DPP6: variants seen among roughly 807,000 people sequenced by gnomAD.
DPP6 encodes A-type potassium channel modulatory protein DPP6.
In DPP6, 69 loss-of-function variants were observed where a neutral mutation model predicts 122.6. The ratio of observed to expected loss-of-function variants is 0.56; its 90% CI spans 0.46 to 0.69. The LOEUF is 0.69. Among genes scored for constraint, DPP6 ranks in the 30% least tolerant of loss-of-function variants. The pLI, the probability that DPP6 is intolerant of heterozygous loss-of-function variation, is 0.00. For missense variants in DPP6, 928 were observed against 1,116.9 expected, an observed-to-expected ratio of 0.83 and a Z score of 2.41; for synonymous variants, 418 against 433.1, an observed-to-expected ratio of 0.97 and a Z score of 0.43.
At chr7:154,639,422 G>C (rs148411010) in intron 6 of DPP6, among the ~76,000 whole-genome samples, 3 of 152,292 alleles carry the variant, frequency 2.0e-5, no homozygotes, top group African/African-American at 4.8e-5. Flanking sequence ...GTCATGGCAG[G>C]CAGGACTATA....
chr7:154,768,335 A>T (rs1796035828), intron 8 of DPP6, among the ~76,000 whole-genome samples: 1 of 152,164 alleles, frequency 6.6e-6, no homozygotes, highest in Non-Finnish European at 1.5e-5. Flanking sequence ...GTTCTGTTGC[A>T]TTTGATGCCC....
chr7:154,579,689 G>A (rs968532365), intron 5 of DPP6, among the ~76,000 whole-genome samples: 9 of 152,192 alleles, frequency 5.9e-5, no homozygotes, highest in East Asian at 1.9e-4. Context: ...GGGGCCCAAA[G>A]TGCAGGAGTG....
the DPP6 span, among the ~76,000 whole-genome samples, chr7:153,811,004 C>T: frequency 5.3e-5 from 8 of 152,000 alleles, no homozygotes; most frequent in South Asian, 6.3e-4. Context: ...ATTTAACACA[C>T]AGCGGCAAAC....
intron 1 of DPP6, among the ~76,000 whole-genome samples, chr7:154,248,009 C>T (rs1379588507): frequency 6.6e-6 from 1 of 152,064 alleles, no homozygotes; most frequent in Admixed American, 6.5e-5. Flanking sequence ...GCTGGAAGTT[C>T]GAGACCAGGG....
At position 154,863,013 on chromosome 7, in the gene DPP6, C is replaced by T. The variant is rs1299350452; in HGVS notation, c.1715-4982C>T. Among the ~76,000 whole-genome samples the T allele has an allele frequency of 1.3e-5, 2 of 152,136 alleles. No individual in the cohort carries two copies. Among genetic ancestry groups the T allele is most frequent in the African/African-American group, 4.8e-5 (2 of 41,426 alleles). ...TCCTGGGCTCAAGCAATCCTCCCAC[C>T]TCAGCCCCACAAGTAGCTGGGACTA... is the stretch of plus-strand genomic sequence containing the variant. On this transcript the variant is annotated intron_variant, in intron 17 of 25. Transcript: ENST00000377770. This position sits in a 1 kb window ranked among gnomAD's most constrained non-coding sequence, Gnocchi z 4.1.
intron 1 of DPP6, among the ~76,000 whole-genome samples, chr7:154,422,330 T>C (rs1165302790): frequency 6.6e-6 from 1 of 152,178 alleles, no homozygotes; most frequent in Non-Finnish European, 1.5e-5. Flanking sequence ...GTGAAGAACA[T>C]ACAGCACTCT....
At chr7:154,463,792 GT>G (rs1237451803) in intron 2 of DPP6, among the ~76,000 whole-genome samples, 2 of 152,060 alleles carry the variant, frequency 1.3e-5, no homozygotes, top group Non-Finnish European at 2.9e-5. Flanking sequence ...ACTCTTCCTG[GT>G]GCTCTATTCT....
intron 1 of DPP6, among the ~76,000 whole-genome samples, chr7:154,236,791 A>G (rs73726185): frequency 0.011 from 1,608 of 152,258 alleles, 38 homozygotes; most frequent in African/African-American, 0.037. Flanking sequence ...TTTGCTTTCT[A>G]TTGTTCTCTA....
intron 1 of DPP6, among the ~76,000 whole-genome samples, chr7:153,940,473 C>T (rs1316604319): frequency 6.6e-6 from 1 of 152,124 alleles, no homozygotes; most frequent in Non-Finnish European, 1.5e-5. Context: ...GAAATAGTCT[C>T]TATGAGGTTG....
the DPP6 span, among the ~76,000 whole-genome samples, chr7:153,843,470 C>G: frequency 6.6e-6 from 1 of 151,538 alleles, no homozygotes; most frequent in East Asian, 1.9e-4. Context: ...ATCGGCAGGT[C>G]GAGAAATAAT....
At chr7:153,910,670 G>A (rs1270075254) in intron 1 of DPP6, among the ~76,000 whole-genome samples, 1 of 152,128 alleles carries the variant, frequency 6.6e-6, no homozygotes, top group Admixed American at 6.5e-5. Context: ...AACCAGCAGA[G>A]CCAAAACAGA....
chr7:154,684,636 A>T (rs1443299959), intron 7 of DPP6, among the ~76,000 whole-genome samples: 1 of 152,214 alleles, frequency 6.6e-6, no homozygotes, highest in Non-Finnish European at 1.5e-5. Flanking sequence ...TTCAGCCACC[A>T]CATGGGTCCC....
At chr7:154,088,383 G>C (rs951199783) in intron 1 of DPP6, among the ~76,000 whole-genome samples, 1 of 146,834 alleles carries the variant, frequency 6.8e-6, no homozygotes, top group Non-Finnish European at 1.5e-5. Flanking sequence ...GTGGCTTTCT[G>C]AGAACTGCTG....
At chr7:154,433,136 G>GTTTTTTTTTTTTTTTTTTTT (rs548053204) in intron 1 of DPP6, among the ~76,000 whole-genome samples, 1 of 72,348 alleles carries the variant, frequency 1.4e-5, no homozygotes, top group African/African-American at 5.9e-5. Context: ...TAGACTGCAA[G>GTTTTTTTTTTTTTTTTTTTT]TTTTTTTTTT....
chr7:153,749,987 T>C, the DPP6 span, among the ~76,000 whole-genome samples: 8 of 152,378 alleles, frequency 5.3e-5, no homozygotes, highest in South Asian at 1.0e-3. This position sits in a 1 kb window ranked among gnomAD's most constrained non-coding sequence, Gnocchi z 4.1. Flanking sequence ...AGGGCATATA[T>C]GTTTATTAGC....
At chr7:153,970,769 T>C (rs1795980136) in intron 1 of DPP6, among the ~76,000 whole-genome samples, 1 of 152,200 alleles carries the variant, frequency 6.6e-6, no homozygotes, top group Non-Finnish European at 1.5e-5. Context: ...GAGTTGCTTT[T>C]ACTTGCACTT....
At position 154,621,776 on chromosome 7, in the gene DPP6, G is replaced by A. The variant is rs144854030; in HGVS notation, c.628-16045G>A. 1.6e-3 allele frequency among the ~76,000 whole-genome samples: 246 copies of A among 152,086 alleles called. 1 individual carries two copies. The highest frequency in any genetic ancestry group is 5.4e-3 in the African/African-American group (226 of 41,478). On this transcript the variant is annotated intron_variant, in intron 5 of 25. Transcript: ENST00000377770. ...TTTCTCTTCCCTCCTCATGCCTACCGTTTATCTGTTTCCATGACCTCCCTG... is the reference window on the plus strand; with the variant it reads ...TTTCTCTTCCCTCCTCATGCCTACCATTTATCTGTTTCCATGACCTCCCTG...
intron 3 of DPP6, among the ~76,000 whole-genome samples, chr7:154,488,833 C>T (rs1292104568): frequency 6.6e-6 from 1 of 152,108 alleles, no homozygotes; most frequent in Non-Finnish European, 1.5e-5. Flanking sequence ...TCTTTTCCAC[C>T]TAAATCCCCG....
rs533382228 is a variant in DPP6 at position 153,937,648 on chromosome 7, A to G, written c.51+49914A>G. On this transcript the variant is annotated intron_variant, in intron 1 of 25. Coordinates refer to the DPP6 transcript ENST00000404039. ...TTTTTAATAGAGATGGGGTTTCACCATGTTGGCCAGGCTGGTCTCAAGCTC... is the reference window on the plus strand; with the variant it reads ...TTTTTAATAGAGATGGGGTTTCACCGTGTTGGCCAGGCTGGTCTCAAGCTC... 2.0e-5 allele frequency among the ~76,000 whole-genome samples: 3 copies of G among 152,052 alleles called. No individual in the cohort carries two copies. The East Asian group carries it at 5.8e-4, about 29-fold the overall frequency.
Sources: gnomAD v4.1 joint callset for allele counts (sites outside exome capture counted in the v4.1 genomes callset) on GRCh38, gnomAD v4.1.1 for gene constraint, Gnocchi (gnomAD v3.1) non-coding constraint, MANE v1.5 for transcripts, NCBI Gene and HGNC (gene_info 2026-07-23, HGNC 2026-07-21) for gene names.